PRELID2: variants seen among roughly 807,000 people sequenced by gnomAD.
PRELID2 encodes the protein PRELI domain containing 2.
In PRELID2, 25 loss-of-function variants were observed where a neutral mutation model predicts 28.4. The ratio of observed to expected loss-of-function variants is 0.88; its 90% confidence interval spans 0.64 to 1.23. The LOEUF is 1.23. Among genes scored for constraint, PRELID2 ranks in the 50% most tolerant of loss-of-function variants. The pLI is 0.00. For missense variants in PRELID2, 201 were observed against 214.4 expected (o/e 0.94, Z 0.39); for synonymous variants, 76 against 71.6 (o/e 1.06, Z -0.31).
intron 1 of PRELID2, among the ~76,000 whole-genome samples, chr5:145,528,025 C>G (rs150803727): frequency 2.2e-4 from 34 of 152,040 alleles, no homozygotes; most frequent in Non-Finnish European, 3.4e-4. Flanking sequence ...CATCTCCCAG[C>G]GACCACCTAT....
intron 1 of PRELID2, among the ~76,000 whole-genome samples, chr5:145,567,139 T>G (rs1752973867): frequency 6.6e-6 from 1 of 152,134 alleles, no homozygotes; most frequent in South Asian, 2.1e-4. Flanking sequence ...CCACCAAAAT[T>G]CACATCCATT....
chr5:145,617,516 T>A (rs1369397824), intron 1 of PRELID2, among the ~76,000 whole-genome samples: 3 of 152,210 alleles, frequency 2.0e-5, no homozygotes, highest in African/African-American at 7.2e-5. Context: ...GGGTCATTTA[T>A]CGTAATACCA....
the PRELID2 span, among the ~76,000 whole-genome samples, chr5:145,371,885 T>TA: frequency 4.3e-3 from 540 of 124,312 alleles, 5 homozygotes; most frequent in African/African-American, 0.013. Flanking sequence ...TTTTGTTAAT[T>TA]TAAAAAAAAA....
chr5:145,496,561 G>T (rs1752311495), intron 1 of PRELID2, among the ~76,000 whole-genome samples: 1 of 152,118 alleles, frequency 6.6e-6, no homozygotes, highest in Admixed American at 6.6e-5. Flanking sequence ...GACAAGCTTT[G>T]CCTGGACTAC....
intron 1 of PRELID2, among the ~76,000 whole-genome samples, chr5:145,483,838 ACTATT>A (rs1325124233): frequency 6.6e-6 from 1 of 152,236 alleles, no homozygotes; most frequent in African/African-American, 2.4e-5. Flanking sequence ...AGCCATTAAT[ACTATT>A]CTCTATTATT....
chr5:145,375,476 G>A, the PRELID2 span, among the ~76,000 whole-genome samples: 5 of 152,262 alleles, frequency 3.3e-5, no homozygotes, highest in East Asian at 1.9e-4. Flanking sequence ...AATAGGACCC[G>A]TTTAACGAAG....
At chr5:145,697,377 T>A (rs1035576381) in intron 1 of PRELID2, among the ~76,000 whole-genome samples, 4 of 151,902 alleles carry the variant, frequency 2.6e-5, no homozygotes, top group Non-Finnish European at 5.9e-5. Flanking sequence ...TTGCTGAAGG[T>A]CTTACAGCTT....
chr5:145,494,490 A>T lies in PRELID2; in HGVS notation n.71-21175T>A, dbSNP rs920922284. On this transcript the variant is annotated intron_variant and non_coding_transcript_variant, in intron 1 of 2. Coordinates refer to the PRELID2 transcript ENST00000510259. ...CTAGTTAATTGGTAGCTTAAATGAA[A>T]AGCCATCCTATAGATGCAAATCTTG... is the stretch of plus-strand genomic sequence containing the variant. 7.2e-5 allele frequency among the ~76,000 whole-genome samples: 11 copies of T among 152,334 alleles called. No individual in the cohort carries two copies. The East Asian group carries it at 2.1e-3, about 29-fold the overall frequency.
the PRELID2 span, among the ~76,000 whole-genome samples, chr5:145,261,407 G>A: frequency 6.6e-6 from 1 of 152,108 alleles, no homozygotes; most frequent in Admixed American, 6.5e-5. Context: ...GTACAACCAA[G>A]GACCCTCACA....
chr5:145,241,477 C>T, the PRELID2 span, among the ~76,000 whole-genome samples: 6 of 152,012 alleles, frequency 3.9e-5, no homozygotes, highest in Admixed American at 2.6e-4. Flanking sequence ...TGTTTCGTTG[C>T]TCTTGTCATA....
the PRELID2 span, among the ~76,000 whole-genome samples, chr5:145,394,864 T>G: frequency 1.3e-5 from 2 of 152,152 alleles, no homozygotes; most frequent in Non-Finnish European, 2.9e-5. Flanking sequence ...ATCTAACTCC[T>G]CTGAGATTTA....
chr5:145,696,206 A>G (rs1356427902), intron 1 of PRELID2, among the ~76,000 whole-genome samples: 3 of 114,810 alleles, frequency 2.6e-5, no homozygotes, highest in African/African-American at 1.0e-4. Context: ...TAAAATAGCC[A>G]TTTGCCAGTT....
intron 1 of PRELID2, among the ~76,000 whole-genome samples, chr5:145,636,809 T>C (rs997252176): frequency 5.9e-5 from 9 of 152,222 alleles, no homozygotes; most frequent in African/African-American, 1.9e-4. Context: ...TCTTAAAGGA[T>C]TAACCCAGTG....
the PRELID2 span, among the ~76,000 whole-genome samples, chr5:145,330,613 G>A: frequency 2.0e-5 from 3 of 152,056 alleles, no homozygotes; most frequent in Non-Finnish European, 4.4e-5. Context: ...TGAAATCAGT[G>A]GTCTTATCCC....
At chr5:145,696,583 T>A (rs1396181283) in intron 1 of PRELID2, among the ~76,000 whole-genome samples, 1 of 152,094 alleles carries the variant, frequency 6.6e-6, no homozygotes, top group African/African-American at 2.4e-5. Context: ...CACCTCAGCC[T>A]CTTGAGTAGC....
intron 1 of PRELID2, among the ~76,000 whole-genome samples, chr5:145,646,361 G>C (rs984597636): frequency 1.3e-5 from 2 of 151,982 alleles, no homozygotes; most frequent in Non-Finnish European, 2.9e-5. Context: ...CGAAGTTCTC[G>C]TGCTGTGTTT....
chr5:145,718,829 T>C (rs1424429309), intron 1 of PRELID2, among the ~76,000 whole-genome samples: 1 of 152,010 alleles, frequency 6.6e-6, no homozygotes, highest in Non-Finnish European at 1.5e-5. Flanking sequence ...TATAACTGGT[T>C]TCCTCCATAA....
intron 1 of PRELID2, among the ~76,000 whole-genome samples, chr5:145,483,069 G>A (rs1318983940): frequency 6.6e-6 from 1 of 152,070 alleles, no homozygotes; most frequent in East Asian, 1.9e-4. Flanking sequence ...ATAAAATGGG[G>A]ACTATTATTA....
At chr5:145,333,792 T>C in the PRELID2 span, among the ~76,000 whole-genome samples, 1 of 144,602 alleles carries the variant, frequency 6.9e-6, no homozygotes, top group African/African-American at 2.6e-5. Context: ...TATGTCTCAC[T>C]GGTGTTCCAG....
Sources: allele counts gnomAD v4.1 joint callset (sites outside exome capture counted in the v4.1 genomes callset), GRCh38; gene constraint gnomAD v4.1.1; transcripts MANE v1.5; gene names NCBI Gene and HGNC (gene_info 2026-07-23, HGNC 2026-07-21).